Variants in CTNND2 observed in about 807,000 individuals in gnomAD.
CTNND2 encodes the protein catenin delta 2.
In CTNND2, 22 loss-of-function variants were observed where a neutral mutation model predicts 144.4. The ratio of observed to expected loss-of-function variants is 0.15; its 90% CI spans 0.11 to 0.22. CTNND2 has a LOEUF of 0.22. Among genes scored for constraint, CTNND2 ranks in the 10% least tolerant of loss-of-function variants. CTNND2 has a pLI of 1.00. For synonymous variants in CTNND2, 751 were observed against 695.6 expected (o/e 1.08, Z -1.25); for missense variants, 1,353 against 1,618.8 (o/e 0.84, Z 2.82).
chr5:11,865,620 T>A (rs2127036233), intron 1 of CTNND2, among the ~76,000 whole-genome samples: 1 of 152,200 alleles, frequency 6.6e-6, no homozygotes, highest in African/African-American at 2.4e-5. Flanking sequence ...CATGTTCTAA[T>A]TCCTAGAACC....
rs569028686 is a variant in CTNND2 at position 11,087,123 on chromosome 5, T to C, written c.2638-4277A>G. ...TTTATCAAATTAGCCATATCCTCAG[T>C]TTTTCTTTTAACAAGGTAAAGTCAA... On this transcript the variant is annotated intron_variant, in intron 15 of 21. Transcript: ENST00000304623. Among the ~76,000 whole-genome samples the C allele has an allele frequency of 1.6e-3, 250 of 152,324 alleles. 1 individual carries two copies. In the Middle Eastern group the frequency reaches 0.017, roughly 10 times the overall value.
At chr5:11,313,206 T>A (rs1419420149) in intron 9 of CTNND2, among the ~76,000 whole-genome samples, 6 of 152,136 alleles carry the variant, frequency 3.9e-5, no homozygotes, top group Non-Finnish European at 8.8e-5. Flanking sequence ...CAAGAAGAGT[T>A]GTTGTTCAGA....
intron 14 of CTNND2, among the ~76,000 whole-genome samples, chr5:11,101,458 A>G (rs900852051): frequency 6.6e-6 from 1 of 152,232 alleles, no homozygotes; most frequent in African/African-American, 2.4e-5. Context: ...AGATTCAAGA[A>G]AAATCATGGG....
At chr5:11,832,247 C>T (rs1793945496) in intron 1 of CTNND2, among the ~76,000 whole-genome samples, 2 of 151,930 alleles carry the variant, frequency 1.3e-5, no homozygotes, top group African/African-American at 4.8e-5. Flanking sequence ...CGTGCCACTG[C>T]ACTCCAGCCC....
At chr5:11,267,465 C>T (rs1374880446) in intron 9 of CTNND2, among the ~76,000 whole-genome samples, 1 of 152,166 alleles carries the variant, frequency 6.6e-6, no homozygotes, top group African/African-American at 2.4e-5. Flanking sequence ...CTAGATGTCA[C>T]CAGTCATTAA....
At chr5:11,177,690 C>T (rs1760614884) in intron 11 of CTNND2, among the ~76,000 whole-genome samples, 1 of 152,216 alleles carries the variant, frequency 6.6e-6, no homozygotes, top group African/African-American at 2.4e-5. Context: ...TCTCATTAAA[C>T]TACATGGATC....
At chr5:11,003,529 CCTT>C (rs1178307637) in intron 18 of CTNND2, among the ~76,000 whole-genome samples, 26 of 152,126 alleles carry the variant, frequency 1.7e-4, no homozygotes, top group African/African-American at 6.0e-4. Context: ...ACATACACTT[CCTT>C]CTTATTTCAA....
intron 1 of CTNND2, among the ~76,000 whole-genome samples, chr5:11,861,369 C>A (rs1795497142): frequency 1.3e-5 from 2 of 152,154 alleles, no homozygotes; most frequent in Non-Finnish European, 2.9e-5. Context: ...CCCACCCAAA[C>A]TTCATTTTCT....
chr5:11,133,695 A>G (rs986535928), intron 12 of CTNND2, among the ~76,000 whole-genome samples: 1 of 152,254 alleles, frequency 6.6e-6, no homozygotes, highest in African/African-American at 2.4e-5. Context: ...GCTTATTAAA[A>G]GAAAGCAGGA....
At chr5:10,998,530 T>C (rs1417316262) in intron 18 of CTNND2, among the ~76,000 whole-genome samples, 2 of 152,228 alleles carry the variant, frequency 1.3e-5, no homozygotes, top group African/African-American at 2.4e-5. Flanking sequence ...CATTCATCGA[T>C]GCAGAGTGAA....
intron 9 of CTNND2, among the ~76,000 whole-genome samples, chr5:11,281,993 G>T (rs1747180757): frequency 6.6e-6 from 1 of 152,038 alleles, no homozygotes; most frequent in African/African-American, 2.4e-5. Flanking sequence ...CATTTATTTT[G>T]CTCAGAAATC....
chr5:11,827,753 G>T (rs1310640324), intron 1 of CTNND2, among the ~76,000 whole-genome samples: 1 of 152,078 alleles, frequency 6.6e-6, no homozygotes, highest in East Asian at 1.9e-4. Flanking sequence ...TGCACAACAA[G>T]TATAACTTTC....
At chr5:11,518,123 G>T (rs1772360175) in intron 3 of CTNND2, among the ~76,000 whole-genome samples, 1 of 152,194 alleles carries the variant, frequency 6.6e-6, no homozygotes, top group Admixed American at 6.5e-5. Context: ...CCGCATATAA[G>T]ATGGTGGTCC....
At chr5:11,534,397 C>T (rs1013584979) in intron 3 of CTNND2, among the ~76,000 whole-genome samples, 78 of 151,982 alleles carry the variant, frequency 5.1e-4, no homozygotes, top group Admixed American at 8.5e-4. Flanking sequence ...AGACAGATCA[C>T]CTGAGGTCAG....
chr5:11,165,859 G>A (rs749379116), intron 11 of CTNND2, among the ~76,000 whole-genome samples: 24 of 152,236 alleles, frequency 1.6e-4, no homozygotes, highest in Non-Finnish European at 2.8e-4. Context: ...TACTGAAAGA[G>A]ATGAAGACTA....
At chr5:11,254,410 G>T (rs529923523) in intron 9 of CTNND2, among the ~76,000 whole-genome samples, 53 of 152,174 alleles carry the variant, frequency 3.5e-4, no homozygotes, top group Non-Finnish European at 6.3e-4. Flanking sequence ...GGGCACAAAA[G>T]AATAATTTAA....
At chr5:11,073,962 T>C (rs1232598864) in intron 16 of CTNND2, among the ~76,000 whole-genome samples, 1 of 152,244 alleles carries the variant, frequency 6.6e-6, no homozygotes, top group African/African-American at 2.4e-5. Flanking sequence ...AAACATATTT[T>C]GAAAAGCAGA....
At chr5:11,235,553 T>C (rs570704509) in intron 10 of CTNND2, among the ~76,000 whole-genome samples, 93 of 152,324 alleles carry the variant, frequency 6.1e-4, no homozygotes, top group Admixed American at 1.1e-3. Context: ...GGTGATTCTC[T>C]TGAGGGGGCT....
At chr5:11,795,701 G>A (rs185738438) in intron 1 of CTNND2, among the ~76,000 whole-genome samples, 1 of 152,320 alleles carries the variant, frequency 6.6e-6, no homozygotes, top group East Asian at 1.9e-4. Flanking sequence ...TCTTGGGAAG[G>A]AGAATATGGT....
Sources: gnomAD v4.1 joint callset for allele counts (sites outside exome capture counted in the v4.1 genomes callset) on GRCh38, gnomAD v4.1.1 for gene constraint, MANE v1.5 for transcripts, NCBI Gene and HGNC (gene_info 2026-07-23, HGNC 2026-07-21) for gene names.